The following PRDX1 variants were observed in gnomAD, a reference collection of about 807,000 sequenced individuals.
PRDX1 encodes peroxiredoxin-1.
Under a neutral mutation model 20.7 loss-of-function variants are expected in PRDX1, and 19 were observed. The observed-to-expected ratio is 0.92, with a 90% CI of 0.64 to 1.35. PRDX1 has a LOEUF of 1.35. PRDX1 is among the 40% of genes most tolerant of loss of function. The pLI, the probability that PRDX1 is intolerant of heterozygous loss-of-function variation, is 0.00. For missense variants in PRDX1, 226 were observed against 240.0 expected, an observed-to-expected ratio of 0.94 and a Z score of 0.38; for synonymous variants, 89 against 83.9, an observed-to-expected ratio of 1.06 and a Z score of -0.33.
At chr1:45,518,915 G>A (rs1276434283) in intron 2 of PRDX1, 23 bp downstream of exon 2, 10 of 1,526,084 alleles carry the variant, frequency 6.6e-6, no homozygotes, top group Admixed American at 3.7e-5. Context: ...CCATCTCAAT[G>A]AGCCCAGTGT....
In PRDX1 at chr1:45,515,825, G is replaced by C; in HGVS notation, c.107-18C>G. On this transcript the variant is annotated intron_variant, in intron 2 of 5. Coordinates refer to ENST00000319248, the MANE Select transcript of PRDX1 (RefSeq NM_181697.3). ...ATATTTTCCTGGGGGGAAAATCGGA[G>C]TCATGGTTAGCATTTGACACAGACT... The C allele has an allele frequency of 1.3e-6, 2 of 1,542,832 alleles. No homozygotes were observed.
At position 45,520,224 on chromosome 1, in the gene PRDX1, A is replaced by G. The variant is rs1039485157; in HGVS notation, c.-11-1170T>C. Among the ~76,000 whole-genome samples, 9 of 147,898 alleles carry G rather than the reference A, an allele frequency of 6.1e-5. No individual in the cohort carries two copies. The East Asian group carries it at 1.0e-3, about 16-fold the overall frequency. On this transcript the variant is annotated intron_variant, in intron 1 of 5. Coordinates refer to ENST00000319248, the MANE Select transcript of PRDX1 (RefSeq NM_181697.3). ...TGTCTCCAAAAAAAAAAAAAAAAAA[A>G]AGAGGCAAGACCAAGATATTGATTG...
intron 4 of PRDX1, 79 bp from the exon 5 acceptor site, chr1:45,514,716 G>A (rs1252855194): frequency 3.1e-6 from 5 of 1,590,600 alleles, no homozygotes; most frequent in Admixed American, 1.7e-5. Context: ...GAAGCCTGAA[G>A]GAAATGGACT....
Position 45,516,154 on chromosome 1 carries a change from C to CCTAATG in PRDX1, c.107-353_107-348dup, listed in dbSNP as rs1488774995. On this transcript the variant is annotated intron_variant, in intron 2 of 5. Transcript: ENST00000319248. ...AGCAAGGATGCACTTATAAGCATGG[C>CCTAATG]CTAATGCCAATGCTTAACAATACCC... Among the ~76,000 whole-genome samples the CCTAATG allele has an allele frequency of 7.0e-4, 106 of 152,356 alleles. 2 individuals carry two copies. The highest frequency in any genetic ancestry group is 2.5e-3 in the African/African-American group (102 of 41,576).
In PRDX1 at chr1:45,514,491, C is replaced by T. The variant is rs368230259; in HGVS notation, c.514+16G>A. ...TACCACCACTCTGTTGTCCTGTTAT[C>T]AGACAGATGGCTTACCTTCCCCATG... On this transcript the variant is annotated intron_variant, in intron 5 of 5. Coordinates refer to ENST00000319248, the MANE Select transcript of PRDX1 (RefSeq NM_181697.3). 2.2e-5 allele frequency: 36 copies of T among 1,613,824 alleles called. No homozygotes were observed. The East Asian group carries it at 8.0e-4, about 36-fold the overall frequency.
chr1:45,521,231 G>A (rs986472658), intron 1 of PRDX1, among the ~76,000 whole-genome samples: 2 of 152,144 alleles, frequency 1.3e-5, no homozygotes, highest in Non-Finnish European at 1.5e-5. Context: ...TCTGCCCAGC[G>A]TAGAGGGCCA....
Position 45,520,727 on chromosome 1 carries a change from A to G in PRDX1, c.-12+1102T>C, listed in dbSNP as rs1479456802. Among the ~76,000 whole-genome samples, 201 of 149,462 alleles carry G rather than the reference A, an allele frequency of 1.3e-3. 1 individual carries two copies. Among genetic ancestry groups the G allele is most frequent in the African/African-American group, 4.7e-3 (191 of 40,672 alleles). ...CGACAGAGCGAGACTCCGTCTCAAA[A>G]AAAAAAAAAAAAAAAAAATACAAAA... On this transcript the variant is annotated intron_variant, in intron 1 of 5. Transcript: ENST00000319248.
At position 45,511,198 on chromosome 1, in the gene PRDX1, G is replaced by T; in HGVS notation, c.*131C>A. ...GGTCTCTCCACCCCCTGTAGGAAAG[G>T]CCTGCCTTGTAAGACACCACAATTC... On this transcript the variant is annotated 3_prime_UTR_variant, in exon 6 of 6. Coordinates refer to ENST00000319248, the MANE Select transcript of PRDX1 (RefSeq NM_181697.3). The T allele has an allele frequency of 1.3e-6, 1 of 774,038 alleles. No homozygotes were observed. The highest frequency in any genetic ancestry group is 2.1e-6 in the Non-Finnish European group (1 of 482,448). The allele number at this position is 774,038 out of a possible 1,614,324, so 47.9% of individuals were successfully genotyped here.
chr1:45,515,500 G>A (rs1403823596), intron 3 of PRDX1, among the ~76,000 whole-genome samples, 154 bp downstream of exon 3: 1 of 151,126 alleles, frequency 6.6e-6, no homozygotes, highest in African/African-American at 2.4e-5. Flanking sequence ...TCAGGAGGCT[G>A]AGGCAGGAGA....
chr1:45,519,879 G>C (rs1408283124), intron 1 of PRDX1, among the ~76,000 whole-genome samples: 2 of 152,180 alleles, frequency 1.3e-5, no homozygotes, highest in Non-Finnish European at 2.9e-5. Flanking sequence ...TTACAGGCGT[G>C]AGCCACCGCG....
intron 5 of PRDX1, among the ~76,000 whole-genome samples, chr1:45,513,795 A>C (rs762551825): frequency 9.9e-5 from 15 of 152,208 alleles, no homozygotes; most frequent in Non-Finnish European, 1.8e-4. Flanking sequence ...CCGGGGACAC[A>C]AACACTGCGG....
chr1:45,514,604 A>C lies in PRDX1; in HGVS notation c.417T>G (p.Leu139=), dbSNP rs753002029. ...GGAGGTCATTTACAGTGATCTGCCG[A>C]AGAATACCCTTATCATCAATGATAA... The part of the protein sequence containing the change: ...GLFIIDDKGI[L]RQITVNDLPV... Residue 139 remains leucine, a synonymous_variant, in exon 5 of 6, where the codon CTT becomes CTG. Coordinates refer to ENST00000319248, the MANE Select transcript of PRDX1 (RefSeq NM_181697.3). 6.2e-7 allele frequency: 1 copy of C among 1,613,754 alleles called. No homozygotes were observed. The highest frequency in any genetic ancestry group is 1.1e-5 in the South Asian group (1 of 91,074).
chr1:45,513,878 A>T (rs1643805446), intron 5 of PRDX1, among the ~76,000 whole-genome samples: 1 of 151,998 alleles, frequency 6.6e-6, no homozygotes, highest in African/African-American at 2.4e-5. Flanking sequence ...AGTCTGAAAT[A>T]TGGCCTCGTG....
Position 45,514,508 on chromosome 1 carries a change from T to G in PRDX1, c.513A>C (p.Glu171Asp). ...QAFQFTDKHG[E>D]VCPAGWKPGS... ...CCTGTTATCAGACAGATGGCTTACCTTCCCCATGTTTGTCAGTGAACTGGA... is the reference window on the plus strand; with the variant it reads ...CCTGTTATCAGACAGATGGCTTACCGTCCCCATGTTTGTCAGTGAACTGGA... The change falls in exon 5 of 6, where the codon GAA becomes GAC. Residue 171 changes from glutamate (E) to aspartate (D), a missense_variant and splice_region_variant. Glu to Asp is a conservative substitution (Grantham distance 45). Coordinates refer to ENST00000319248, the MANE Select transcript of PRDX1 (RefSeq NM_181697.3). The G allele has an allele frequency of 1.2e-6, 2 of 1,614,140 alleles. No homozygotes were observed. The highest frequency in any genetic ancestry group is 1.7e-6 in the Non-Finnish European group (2 of 1,179,994).
At chr1:45,515,185 C>G (rs769642913) in intron 3 of PRDX1, among the ~76,000 whole-genome samples, 190 bp from the exon 4 acceptor site, 3 of 152,138 alleles carry the variant, frequency 2.0e-5, no homozygotes, top group Non-Finnish European at 4.4e-5. Flanking sequence ...GCAATTGAAG[C>G]TGCTTCTTCT....
Position 45,511,106 on chromosome 1 carries a change from C to G in PRDX1, c.*223G>C. 1 of 425,556 alleles carries G rather than the reference C, an allele frequency of 2.3e-6. No individual in the cohort carries two copies. The highest frequency in any genetic ancestry group is 3.6e-5 in the East Asian group (1 of 27,768). The allele number at this position is 425,556 out of a possible 1,614,324, so 26.4% of individuals were successfully genotyped here. A position where few individuals can be genotyped will look rare whatever the true frequency, so the allele number is the denominator to read the frequency against. On this transcript the variant is annotated 3_prime_UTR_variant, in exon 6 of 6. Transcript: ENST00000319248. The stretch of plus-strand genomic sequence containing the variant: ...AGATTAATGGGTTGCTCTACTAATA[C>G]ATCATACAAACCAGTAGCCTGCCCA...
intron 3 of PRDX1, among the ~76,000 whole-genome samples, chr1:45,515,446 A>G (rs1380674899): frequency 6.6e-6 from 1 of 151,926 alleles, no homozygotes; most frequent in African/African-American, 2.4e-5. Flanking sequence ...GAAAATACAA[A>G]AAATTAGCCA....
At chr1:45,511,440 A>G (rs1025408618) in intron 5 of PRDX1, 26 bp from the exon 6 acceptor site, 3 of 1,590,202 alleles carry the variant, frequency 1.9e-6, no homozygotes, top group Non-Finnish European at 2.6e-6. Context: ...ACCACTAATT[A>G]ATAACCTTCT....
Position 45,511,428 on chromosome 1 carries a change from G to T in PRDX1, c.515-14C>A. On this transcript the variant is annotated splice_polypyrimidine_tract_variant and intron_variant, in intron 5 of 5. Transcript: ENST00000319248. The stretch of plus-strand genomic sequence containing the variant: ...CAGCTGGGCACACTGCAAGAGAAAG[G>T]CACCACTAATTAATAACCTTCTCAA... 6.2e-7 allele frequency: 1 copy of T among 1,607,046 alleles called. No homozygotes were observed. Among genetic ancestry groups the T allele is most frequent in the Non-Finnish European group, 8.5e-7 (1 of 1,175,282 alleles).
Sources: allele counts gnomAD v4.1 joint callset (sites outside exome capture counted in the v4.1 genomes callset), GRCh38; gene constraint gnomAD v4.1.1; transcripts MANE v1.5; gene names NCBI Gene and HGNC (gene_info 2026-07-23, HGNC 2026-07-21).